CNTLN: variants seen among roughly 807,000 people sequenced by gnomAD.
The protein encoded by CNTLN is centlein, centrosomal protein.
CNTLN carries 212 observed loss-of-function variants against 180.0 expected under a neutral mutation model. The observed-to-expected ratio is 1.18, with a 90% CI of 1.05 to 1.32. The LOEUF (loss-of-function observed/expected upper bound fraction) is 1.32, where lower values mean the gene tolerates loss of function less well. Ranked by LOEUF, CNTLN falls within the 40% of genes most tolerant of loss-of-function variation. The pLI, the probability that CNTLN is intolerant of heterozygous loss-of-function variation, is 0.00. For synonymous variants in CNTLN, 722 were observed against 563.1 expected, an observed-to-expected ratio of 1.28 and a Z score of -3.99; for missense variants, 2,095 against 1,610.9, an observed-to-expected ratio of 1.30 and a Z score of -5.14.
chr9:17,426,827 G>C (rs1342713195), intron 18 of CNTLN, among the ~76,000 whole-genome samples: 1 of 151,886 alleles, frequency 6.6e-6, no homozygotes, highest in African/African-American at 2.4e-5. Flanking sequence ...GTAATTCCTT[G>C]AACCCTGTCT....
At chr9:17,154,983 A>G (rs1443834979) in intron 2 of CNTLN, among the ~76,000 whole-genome samples, 1 of 152,116 alleles carries the variant, frequency 6.6e-6, no homozygotes, top group Admixed American at 6.5e-5. Context: ...GCGAAGGTCT[A>G]CGGCTTCACT....
intron 8 of CNTLN, among the ~76,000 whole-genome samples, chr9:17,313,871 AC>A (rs917187719): frequency 6.6e-6 from 1 of 151,982 alleles, no homozygotes; most frequent in Non-Finnish European, 1.5e-5. Flanking sequence ...ATCTCTGCTC[AC>A]TGCAATCTCT....
At chr9:17,458,073 C>G (rs999709957) in intron 19 of CNTLN, among the ~76,000 whole-genome samples, 1 of 152,006 alleles carries the variant, frequency 6.6e-6, no homozygotes, top group African/African-American at 2.4e-5. Context: ...TCTCTACATA[C>G]TTCCAGCAAG....
At chr9:17,275,996 G>A (rs1037423507) in intron 6 of CNTLN, among the ~76,000 whole-genome samples, 1 of 152,078 alleles carries the variant, frequency 6.6e-6, no homozygotes, top group African/African-American at 2.4e-5. Flanking sequence ...TGAAGGGAGT[G>A]AGGGTGCATG....
intron 20 of CNTLN, 37 bp downstream of exon 20, chr9:17,463,050 C>T: frequency 7.8e-7 from 1 of 1,285,892 alleles, no homozygotes. Flanking sequence ...GTATTTGGTG[C>T]CACCTAGTGG....
At chr9:17,408,759 C>G (rs1827608754) in intron 15 of CNTLN, among the ~76,000 whole-genome samples, 2 of 151,318 alleles carry the variant, frequency 1.3e-5, no homozygotes, top group Non-Finnish European at 2.9e-5. Context: ...CAAGATCGCG[C>G]CACTGCACTC....
At chr9:17,268,397 G>A (rs558702146) in intron 5 of CNTLN, among the ~76,000 whole-genome samples, 6 of 152,180 alleles carry the variant, frequency 3.9e-5, no homozygotes, top group Non-Finnish European at 7.3e-5. Flanking sequence ...TCCTCTGGAA[G>A]TTTTGTCTCA....
chr9:17,522,574 T>C, the CNTLN span, among the ~76,000 whole-genome samples: 2 of 152,120 alleles, frequency 1.3e-5, no homozygotes, highest in African/African-American at 4.8e-5. Flanking sequence ...ATTTAGTTTT[T>C]GAAACTACAG....
At chr9:17,290,434 A>C (rs1304085212) in intron 6 of CNTLN, among the ~76,000 whole-genome samples, 3 of 148,304 alleles carry the variant, frequency 2.0e-5, no homozygotes, top group Non-Finnish European at 4.5e-5. Context: ...GGGACACTTA[A>C]GTCTGCAGAG....
At chr9:17,388,427 G>A (rs1330640693) in intron 14 of CNTLN, among the ~76,000 whole-genome samples, 174 bp downstream of exon 14, 1 of 152,016 alleles carries the variant, frequency 6.6e-6, no homozygotes, top group Non-Finnish European at 1.5e-5. Flanking sequence ...CAATGTTAGT[G>A]AAATAAATGT....
chr9:17,257,635 C>G (rs1826610211), intron 5 of CNTLN, among the ~76,000 whole-genome samples: 1 of 151,212 alleles, frequency 6.6e-6, no homozygotes, highest in Non-Finnish European at 1.5e-5. Context: ...CTCTCCAGCA[C>G]CTGTTGTTTC....
intron 2 of CNTLN, among the ~76,000 whole-genome samples, chr9:17,154,162 C>T (rs998116585): frequency 2.6e-5 from 4 of 152,180 alleles, no homozygotes; most frequent in Non-Finnish European, 5.9e-5. Flanking sequence ...TCTGTCAGTT[C>T]GTCAAACTCA....
At chr9:17,213,617 C>G (rs1385904651) in intron 2 of CNTLN, among the ~76,000 whole-genome samples, 4 of 152,084 alleles carry the variant, frequency 2.6e-5, no homozygotes, top group Admixed American at 2.6e-4. Flanking sequence ...TTTTTGTTAA[C>G]TTTCTGACTC....
chr9:17,478,394 C>G (rs1406853177), intron 23 of CNTLN, among the ~76,000 whole-genome samples: 3 of 151,906 alleles, frequency 2.0e-5, no homozygotes, highest in Admixed American at 6.6e-5. Flanking sequence ...TGTGCAGAAG[C>G]CTTTTAGTTT....
chr9:17,265,267 T>TA (rs1827329214), intron 5 of CNTLN, among the ~76,000 whole-genome samples: 2 of 152,060 alleles, frequency 1.3e-5, no homozygotes, highest in South Asian at 2.1e-4. Flanking sequence ...TTGAATTTTG[T>TA]CAAAGGCCTT....
At position 17,292,037 on chromosome 9, in the gene CNTLN, T is replaced by G. The variant is rs146676429; in HGVS notation, c.984-6153T>G. On this transcript the variant is annotated intron_variant, in intron 6 of 25. Transcript: ENST00000380647. ...AGCATTTGCTTCTCTGAAAAGTATT[T>G]TATTTTTCCTTAGCTTATGAAGCTT... Among the ~76,000 whole-genome samples the G allele has an allele frequency of 5.0e-3, 769 of 152,326 alleles. 5 individuals carry two copies. Among genetic ancestry groups the G allele is most frequent in the African/African-American group, 0.017 (713 of 41,570 alleles).
At chr9:17,351,174 A>G (rs960256813) in intron 12 of CNTLN, among the ~76,000 whole-genome samples, 2 of 152,134 alleles carry the variant, frequency 1.3e-5, no homozygotes, top group Non-Finnish European at 2.9e-5. Context: ...ACCTATTCAC[A>G]TTCTCCATTG....
At chr9:17,359,434 G>C (rs1027044461) in intron 12 of CNTLN, among the ~76,000 whole-genome samples, 1 of 151,852 alleles carries the variant, frequency 6.6e-6, no homozygotes, top group African/African-American at 2.4e-5. Flanking sequence ...CGAATTAAAA[G>C]GCTACTTTCT....
At chr9:17,136,410 A>T (rs1341689347) in intron 1 of CNTLN, among the ~76,000 whole-genome samples, 9 of 152,182 alleles carry the variant, frequency 5.9e-5, no homozygotes, top group Non-Finnish European at 1.0e-4. Flanking sequence ...GCTCACTGCA[A>T]GCTCCGCCTC....
Sources: gnomAD v4.1 joint callset for allele counts (sites outside exome capture counted in the v4.1 genomes callset) on GRCh38, gnomAD v4.1.1 for gene constraint, MANE v1.5 for transcripts, NCBI Gene and HGNC (gene_info 2026-07-23, HGNC 2026-07-21) for gene names.